Variants in BNC2 observed in about 807,000 individuals in gnomAD.
BNC2 encodes the protein zinc finger protein basonuclin-2.
In BNC2, 20 loss-of-function variants were observed where a neutral mutation model predicts 76.3. The observed-to-expected ratio is 0.26, with a 90% CI of 0.18 to 0.38. The LOEUF (loss-of-function observed/expected upper bound fraction) is 0.38. BNC2 is among the 10% of genes least tolerant of loss of function. The pLI, the probability that BNC2 is intolerant of heterozygous loss-of-function variation, is 1.00. For missense variants in BNC2, 1,382 were observed against 1,399.8 expected, an observed-to-expected ratio of 0.99 and a Z score of 0.20; for synonymous variants, 582 against 514.8, an observed-to-expected ratio of 1.13 and a Z score of -1.77.
chr9:16,735,533 G>A (rs1824641563), intron 2 of BNC2, among the ~76,000 whole-genome samples: 1 of 152,122 alleles, frequency 6.6e-6, no homozygotes, highest in Non-Finnish European at 1.5e-5. Flanking sequence ...ATCTCACTCT[G>A]TCTTCTAGGC....
chr9:16,643,237 T>C (rs1384824468), intron 3 of BNC2, among the ~76,000 whole-genome samples: 1 of 146,764 alleles, frequency 6.8e-6, no homozygotes, highest in Non-Finnish European at 1.5e-5. Context: ...ACCTGGGAAG[T>C]GGAGGTTGCA....
chr9:16,855,688 C>T (rs1819236948), intron 1 of BNC2, among the ~76,000 whole-genome samples: 1 of 151,926 alleles, frequency 6.6e-6, no homozygotes, highest in South Asian at 2.1e-4. Context: ...CAGGCGCCCG[C>T]GACCACGCCC....
In BNC2 at chr9:16,836,606, A is replaced by G. The variant is rs547198641; in HGVS notation, c.3+34040T>C. Reference sequence around the variant, plus strand: ...TATTAAGTTTGATCCTACTCAACCAACTCTCATTTGTCCCAGGTTCTAAGT... The same window carrying G: ...TATTAAGTTTGATCCTACTCAACCAGCTCTCATTTGTCCCAGGTTCTAAGT... On this transcript the variant is annotated intron_variant, in intron 1 of 6. Coordinates refer to ENST00000380672, the MANE Select transcript of BNC2 (RefSeq NM_017637.6). Among the ~76,000 whole-genome samples the G allele has an allele frequency of 2.0e-5, 3 of 152,178 alleles. No individual in the cohort carries two copies. In the South Asian group the frequency reaches 6.2e-4, roughly 32 times the overall value.
At chr9:16,539,569 G>A (rs1818237423) in intron 5 of BNC2, among the ~76,000 whole-genome samples, 1 of 126,182 alleles carries the variant, frequency 7.9e-6, no homozygotes, top group Non-Finnish European at 1.6e-5. Flanking sequence ...GGGGGAGAGA[G>A]AGAGAGACAG....
At chr9:16,629,223 G>C (rs1450740310) in intron 3 of BNC2, among the ~76,000 whole-genome samples, 1 of 152,134 alleles carries the variant, frequency 6.6e-6, no homozygotes, top group African/African-American at 2.4e-5. Context: ...TTGTAAAGAT[G>C]CTTGATTCGG....
intron 1 of BNC2, among the ~76,000 whole-genome samples, chr9:16,808,367 C>A (rs1432875044): frequency 6.6e-6 from 1 of 151,884 alleles, no homozygotes; most frequent in Non-Finnish European, 1.5e-5. Context: ...TAGAAGGATC[C>A]CTCAAATTAA....
intron 3 of BNC2, among the ~76,000 whole-genome samples, chr9:16,648,631 C>T (rs1053930747): frequency 2.0e-5 from 3 of 152,096 alleles, no homozygotes; most frequent in African/African-American, 7.2e-5. Flanking sequence ...TTTGCTAAGG[C>T]GAACTAAGGG....
intron 1 of BNC2, among the ~76,000 whole-genome samples, chr9:16,783,494 T>C (rs890597498): frequency 6.6e-6 from 1 of 152,246 alleles, no homozygotes; most frequent in African/African-American, 2.4e-5. Flanking sequence ...CGCTTCTGCA[T>C]ACGACAAGTT....
chr9:16,456,286 T>A (rs16934710), intron 5 of BNC2, among the ~76,000 whole-genome samples: 1 of 152,078 alleles, frequency 6.6e-6, no homozygotes, highest in African/African-American at 2.4e-5. Flanking sequence ...GAGTCTCAAA[T>A]AGACATTGCC....
intron 4 of BNC2, among the ~76,000 whole-genome samples, chr9:16,568,877 A>C (rs1215354874): frequency 1.3e-5 from 2 of 152,206 alleles, no homozygotes; most frequent in Admixed American, 1.3e-4. Context: ...TCTGGGGGAA[A>C]GAACTATGTA....
chr9:16,498,060 CATAT>C (rs1166079198), intron 5 of BNC2, among the ~76,000 whole-genome samples: 124 of 138,292 alleles, frequency 9.0e-4, no homozygotes, highest in African/African-American at 3.0e-3. Context: ...TATATTCCAT[CATAT>C]ATATATATTC....
intron 1 of BNC2, among the ~76,000 whole-genome samples, chr9:16,769,166 C>T (rs545668910): frequency 6.6e-6 from 1 of 152,314 alleles, no homozygotes; most frequent in East Asian, 1.9e-4. Context: ...TGGGCCTTAA[C>T]AACTATATAT....
At chr9:16,716,645 C>CTAAT (rs1276837947) in intron 3 of BNC2, among the ~76,000 whole-genome samples, 4 of 152,166 alleles carry the variant, frequency 2.6e-5, no homozygotes, top group Non-Finnish European at 5.9e-5. Context: ...CTATCTCTGA[C>CTAAT]GTATTACTAC....
chr9:16,504,124 T>C (rs180764290), intron 5 of BNC2, among the ~76,000 whole-genome samples: 208 of 152,272 alleles, frequency 1.4e-3, no homozygotes, highest in African/African-American at 4.6e-3. Flanking sequence ...AGCACCCATT[T>C]ATCTAAGTCA....
intron 3 of BNC2, among the ~76,000 whole-genome samples, chr9:16,647,638 A>T (rs1349342777): frequency 6.6e-6 from 1 of 152,162 alleles, no homozygotes; most frequent in Non-Finnish European, 1.5e-5. Context: ...TTTGAGAATG[A>T]GGGAGAGAGA....
At chr9:16,485,230 C>T (rs1361247117) in intron 5 of BNC2, among the ~76,000 whole-genome samples, 1 of 152,104 alleles carries the variant, frequency 6.6e-6, no homozygotes, top group Non-Finnish European at 1.5e-5. Flanking sequence ...TTCCTCATAA[C>T]CATCTAATAC....
intron 3 of BNC2, among the ~76,000 whole-genome samples, chr9:16,725,565 T>A (rs1217040445): frequency 2.0e-5 from 3 of 152,192 alleles, no homozygotes; most frequent in Admixed American, 6.5e-5. Context: ...CTCCTTTTGT[T>A]GTACTACTCT....
intron 1 of BNC2, among the ~76,000 whole-genome samples, chr9:16,794,401 A>C (rs2135697890): frequency 6.6e-6 from 1 of 152,300 alleles, no homozygotes; most frequent in East Asian, 1.9e-4. Context: ...ATTAAGACCA[A>C]GGCTCTCCTG....
intron 1 of BNC2, among the ~76,000 whole-genome samples, chr9:16,763,677 C>T (rs1563931974): frequency 6.6e-6 from 1 of 152,198 alleles, no homozygotes; most frequent in Non-Finnish European, 1.5e-5. Flanking sequence ...GAGAACCCAT[C>T]ATTCAGGTCT....
Sources: allele counts gnomAD v4.1 joint callset (sites outside exome capture counted in the v4.1 genomes callset), GRCh38; gene constraint gnomAD v4.1.1; transcripts MANE v1.5; gene names NCBI Gene and HGNC (gene_info 2026-07-23, HGNC 2026-07-21).